The following TMEM245 variants were observed in gnomAD, a reference collection of about 807,000 sequenced individuals.
TMEM245 encodes transmembrane protein 245.
A neutral mutation model predicts 101.2 loss-of-function variants in TMEM245; 69 were observed. The observed-to-expected ratio is 0.68, with a 90% CI of 0.56 to 0.83. The LOEUF (loss-of-function observed/expected upper bound fraction) is 0.83, where lower values mean the gene tolerates loss of function less well. TMEM245 is among the 40% of genes least tolerant of loss of function. The pLI is 0.00. For missense variants in TMEM245, 1,075 were observed against 1,092.8 expected (o/e 0.98, Z 0.23); for synonymous variants, 537 against 449.8 (o/e 1.19, Z -2.45).
At chr9:109,078,222 T>C (rs1292134634) in intron 8 of TMEM245, among the ~76,000 whole-genome samples, 1 of 152,210 alleles carries the variant, frequency 6.6e-6, no homozygotes, top group African/African-American at 2.4e-5. Flanking sequence ...TGGTTTTACA[T>C]ATACATAGCT....
At chr9:109,094,963 C>G (rs1422930112) in intron 3 of TMEM245, among the ~76,000 whole-genome samples, 1 of 152,202 alleles carries the variant, frequency 6.6e-6, no homozygotes, top group Non-Finnish European at 1.5e-5. Flanking sequence ...CTAGCCCTCT[C>G]CCAGATAGCA....
At position 109,119,940 on chromosome 9, in the gene TMEM245, G is replaced by A. The variant is rs190183975; in HGVS notation, c.-27C>T. The A allele has an allele frequency of 2.4e-5, 31 of 1,294,438 alleles. No individual in the cohort carries two copies. Among genetic ancestry groups the A allele is most frequent in the Non-Finnish European group, 3.0e-5 (31 of 1,025,430 alleles). 80.2% of individuals were successfully genotyped at this position (1,294,438 alleles called of 1,614,324 possible). On this transcript the variant is annotated 5_prime_UTR_variant, in exon 1 of 18. Transcript: ENST00000374586. ...GTTCCTCCGCCACAGCCGCCCCCGA[G>A]GGGCGGTAATGGGAGTCGGGCTAGA...
chr9:109,097,134 A>C (rs1032267657), intron 3 of TMEM245, among the ~76,000 whole-genome samples: 1 of 152,248 alleles, frequency 6.6e-6, no homozygotes, highest in Non-Finnish European at 1.5e-5. Flanking sequence ...GAAAGATGCC[A>C]TCCTTTAAAT....
rs766863222 is a variant in TMEM245 at position 109,119,755 on chromosome 9, G to A, written c.159C>T (p.Ala53=). Residue 53 remains alanine (A), a synonymous_variant, in exon 1 of 18, where the codon GCC becomes GCT. Coordinates refer to ENST00000374586, the MANE Select transcript of TMEM245 (RefSeq NM_032012.4). The part of the protein sequence containing the change: ...ALRFDKPIKQ[A]FYNTGAVLFV... ...ACAGCACGGCCCCGGTGTTGTAGAA[G>A]GCCTGCTTAATGGGCTTGTCGAAGC... is the stretch of plus-strand genomic sequence containing the variant. 13 of 1,516,760 alleles carry A rather than the reference G, an allele frequency of 8.6e-6. No homozygotes were observed. Among genetic ancestry groups the A allele is most frequent in the East Asian group, 2.7e-5 (1 of 36,734 alleles). The allele number at this position is 1,516,760 out of a possible 1,614,324, so 94.0% of individuals were successfully genotyped here.
Position 109,064,480 on chromosome 9 carries a change from G to C in TMEM245, c.1620C>G (p.His540Gln). 6.2e-7 allele frequency: 1 copy of C among 1,612,416 alleles called. No homozygotes were observed. The highest frequency in any genetic ancestry group is 8.5e-7 in the Non-Finnish European group (1 of 1,179,092). ...VYQYGREWITHKLHKILGDKV... is the reference protein window; with the variant it reads ...VYQYGREWITQKLHKILGDKV... ...CAAAGAAAGTTTCTTCCCTTACCTT[G>C]TGAGTTATCCATTCTCGTCCATACT... The change falls in exon 10 of 18, where the codon CAC (histidine) becomes CAG (glutamine). Residue 540 changes from histidine (H) to glutamine (Q), a missense_variant. His to Gln is a conservative substitution (Grantham distance 24). This residue lies in a region of TMEM245 where 808 missense variants were observed against 741.5 expected (regional missense o/e 1.09). Coordinates refer to ENST00000374586, the MANE Select transcript of TMEM245 (RefSeq NM_032012.4).
rs534615601 is a variant in TMEM245, at chr9:109,058,195, G to A, written c.1723-873C>T. ...TTTTTTTTGTATTTTTAGTAGAGACGGGGTTTCACTGTGTTAGCCAGGATA... is the reference window on the plus strand; with the variant it reads ...TTTTTTTTGTATTTTTAGTAGAGACAGGGTTTCACTGTGTTAGCCAGGATA... On this transcript the variant is annotated intron_variant, in intron 11 of 17. Transcript: ENST00000374586. 4.0e-5 allele frequency among the ~76,000 whole-genome samples: 6 copies of A among 151,432 alleles called. No homozygotes were observed. The East Asian group carries it at 5.9e-4, about 15-fold the overall frequency.
intron 3 of TMEM245, among the ~76,000 whole-genome samples, chr9:109,095,945 A>C (rs1423374972): frequency 6.6e-6 from 1 of 152,212 alleles, no homozygotes; most frequent in Non-Finnish European, 1.5e-5. Context: ...TTGCAGTACT[A>C]TAGGCAAGAC....
rs1434138022 is a variant in TMEM245 at position 109,119,798 on chromosome 9, G to C, written c.116C>G (p.Thr39Ser). Residue 39 changes from threonine (T) to serine (S), a missense_variant, in exon 1 of 18, where the codon ACC becomes AGC. Thr to Ser is a moderately conservative substitution (Grantham distance 58). This residue lies in a region of TMEM245 where 808 missense variants were observed against 741.5 expected (regional missense o/e 1.09). Coordinates refer to ENST00000374586, the MANE Select transcript of TMEM245 (RefSeq NM_032012.4). ...PSGGGGETPR[T>S]AALALRFDKP... ...GTCGAAGCGCAGCGCCAGCGCCGCG[G>C]TCCGCGGGGTCTCCCCGCCACCGCC... 6.9e-7 allele frequency: 1 copy of C among 1,457,300 alleles called. No individual in the cohort carries two copies. Among genetic ancestry groups the C allele is most frequent in the South Asian group, 1.3e-5 (1 of 75,330 alleles). 90.3% of individuals were successfully genotyped at this position (1,457,300 alleles called of 1,614,324 possible).
At chr9:109,063,792 C>T (rs900219501) in intron 10 of TMEM245, among the ~76,000 whole-genome samples, 35 of 152,194 alleles carry the variant, frequency 2.3e-4, no homozygotes, top group Non-Finnish European at 4.4e-4. Flanking sequence ...CAAGCACACT[C>T]CTGTCTCTGC....
At chr9:109,032,378 T>TCC (rs1827980608) in intron 17 of TMEM245, among the ~76,000 whole-genome samples, 1 of 75,986 alleles carries the variant, frequency 1.3e-5, no homozygotes, top group Non-Finnish European at 2.5e-5. Flanking sequence ...TTTTTTTTTT[T>TCC]TTTTTTTTTT....
At chr9:109,080,620 C>T (rs957766325) in intron 8 of TMEM245, among the ~76,000 whole-genome samples, 7 of 151,354 alleles carry the variant, frequency 4.6e-5, no homozygotes, top group South Asian at 4.2e-4. Context: ...CCAAGGGTTT[C>T]GATAAAATAA....
chr9:109,073,861 T>G (rs892678255), intron 8 of TMEM245, among the ~76,000 whole-genome samples: 4 of 148,444 alleles, frequency 2.7e-5, no homozygotes, highest in African/African-American at 7.5e-5. Flanking sequence ...TTTTTGTTTT[T>G]TTTTTTTTTT....
intron 17 of TMEM245, among the ~76,000 whole-genome samples, chr9:109,031,231 G>GT (rs1208303309): frequency 6.6e-6 from 1 of 152,160 alleles, no homozygotes; most frequent in Non-Finnish European, 1.5e-5. Context: ...TCCAACTACA[G>GT]TAAGTACTGT....
At chr9:109,060,629 C>T (rs1828984863) in intron 10 of TMEM245, among the ~76,000 whole-genome samples, 177 bp from the exon 11 acceptor site, 1 of 152,136 alleles carries the variant, frequency 6.6e-6, no homozygotes, top group Non-Finnish European at 1.5e-5. Flanking sequence ...CAGTAAATTT[C>T]CTTTCTCATG....
rs1827580864 is a variant in TMEM245 at position 109,020,313 on chromosome 9, G to A, written c.*147C>T. Reference sequence around the variant, plus strand: ...CCCGCAGCAAGTTCTCTCTTGTCCAGGCATTCTGTATGTAAGGCCAGGAGG... The same window carrying A: ...CCCGCAGCAAGTTCTCTCTTGTCCAAGCATTCTGTATGTAAGGCCAGGAGG... On this transcript the variant is annotated 3_prime_UTR_variant, in exon 18 of 18. Coordinates refer to ENST00000374586, the MANE Select transcript of TMEM245 (RefSeq NM_032012.4). 1 of 798,388 alleles carries A rather than the reference G, an allele frequency of 1.3e-6. No homozygotes were observed. The highest frequency in any genetic ancestry group is 1.8e-5 in the Admixed American group (1 of 56,374). 49.5% of individuals were successfully genotyped at this position (798,388 alleles called of 1,614,324 possible).
At chr9:109,092,781 G>A (rs763655464) in intron 4 of TMEM245, among the ~76,000 whole-genome samples, 1 of 152,148 alleles carries the variant, frequency 6.6e-6, no homozygotes, top group Non-Finnish European at 1.5e-5. Context: ...CTCTGCAAGA[G>A]TACAGCATGA....
chr9:109,107,339 C>CA (rs1830455549), intron 2 of TMEM245, among the ~76,000 whole-genome samples: 2 of 150,252 alleles, frequency 1.3e-5, no homozygotes, highest in African/African-American at 4.9e-5. Context: ...GTGGAGGCTG[C>CA]AGTGAGCCAA....
intron 8 of TMEM245, among the ~76,000 whole-genome samples, chr9:109,074,435 T>G (rs1206047966): frequency 6.6e-6 from 1 of 151,968 alleles, no homozygotes; most frequent in East Asian, 1.9e-4. Flanking sequence ...GCTACACAGG[T>G]GAGCTGACAA....
chr9:109,053,705 A>G (rs1828752456), intron 12 of TMEM245, among the ~76,000 whole-genome samples: 2 of 152,180 alleles, frequency 1.3e-5, no homozygotes, highest in Non-Finnish European at 2.9e-5. Flanking sequence ...CAACCTTTTG[A>G]TTATTAACTT....
Sources: allele counts gnomAD v4.1 joint callset (sites outside exome capture counted in the v4.1 genomes callset), GRCh38; gene constraint gnomAD v4.1.1; regional missense constraint gnomAD v4.1.1; transcripts MANE v1.5; gene names NCBI Gene and HGNC (gene_info 2026-07-23, HGNC 2026-07-21).